The following MYB variants were observed in gnomAD, a reference collection of about 807,000 sequenced individuals.
MYB encodes MYB proto-oncogene, transcription factor, also known as transcriptional activator Myb.
In MYB, 28 loss-of-function variants were observed where a neutral mutation model predicts 92.9. The ratio of observed to expected loss-of-function variants is 0.30; its 90% CI spans 0.22 to 0.41. The LOEUF is 0.41. Among genes scored for constraint, MYB ranks in the 10% least tolerant of loss-of-function variants. The pLI is 1.00. For missense variants in MYB, 679 were observed against 929.3 expected, an observed-to-expected ratio of 0.73 and a Z score of 3.50; for synonymous variants, 295 against 329.1, an observed-to-expected ratio of 0.90 and a Z score of 1.12.
Position 135,198,892 on chromosome 6 carries a change from T to G in MYB, c.1567-16T>G, listed in dbSNP as rs1298613171. 1.9e-6 allele frequency: 3 copies of G among 1,579,860 alleles called. No homozygotes were observed. The highest frequency in any genetic ancestry group is 2.6e-6 in the Non-Finnish European group (3 of 1,156,548). The stretch of plus-strand genomic sequence containing the variant: ...ACCATCTAATCTAAGTATTTTTTCT[T>G]TCTCTCCATATTTAGTTCTTAAACA... On this transcript the variant is annotated splice_polypyrimidine_tract_variant and intron_variant, in intron 10 of 15. Coordinates refer to ENST00000341911, the MANE Select transcript of MYB (RefSeq NM_001130173.2).
Position 135,218,330 on chromosome 6 carries a change from A to G in MYB, c.*350A>G. ...TTTTTCCTGTGATGGGTTTTTTGAA[A>G]TTTGACACATTAAAAGGTACTCCAG... On this transcript the variant is annotated 3_prime_UTR_variant, in exon 16 of 16. Coordinates refer to ENST00000341911, the MANE Select transcript of MYB (RefSeq NM_001130173.2). 1 of 274,530 alleles carries G rather than the reference A, an allele frequency of 3.6e-6. No individual in the cohort carries two copies. The highest frequency in any genetic ancestry group is 5.1e-5 in the Admixed American group (1 of 19,596). 17.0% of individuals were successfully genotyped at this position (274,530 alleles called of 1,614,324 possible).
At position 135,185,920 on chromosome 6, in the gene MYB, A is replaced by G. The variant is rs753940197; in HGVS notation, c.41A>G (p.Glu14Gly). Residue 14 changes from glutamate to glycine, a missense_variant, in exon 2 of 16, where the codon GAG becomes GGG. Physicochemically the swap from Glu to Gly is moderately conservative, Grantham distance 98. Coordinates refer to ENST00000341911, the MANE Select transcript of MYB (RefSeq NM_001130173.2). ...RPRHSIYSSD[E>G]DDEDFEMCDH... ...TTCTGCAGCATATATAGCAGTGACG[A>G]GGATGATGAGGACTTTGAGATGTGT... 1.2e-6 allele frequency: 2 copies of G among 1,614,028 alleles called. No homozygotes were observed. The highest frequency in any genetic ancestry group is 1.7e-6 in the Non-Finnish European group (2 of 1,179,906).
intron 8 of MYB, chr6:135,195,357 C>CATTAAGAAA: frequency 5.6e-6 from 1 of 177,546 alleles, no homozygotes; most frequent in South Asian, 1.1e-4. Flanking sequence ...CCTGAGTCCT[C>CATTAAGAAA]TAGCTTTTTT....
intron 13 of MYB, 137 bp downstream of exon 13, chr6:135,200,552 G>C: frequency 7.8e-7 from 1 of 1,280,502 alleles, no homozygotes; most frequent in South Asian, 1.2e-5. Flanking sequence ...AAGGTGCAGC[G>C]AAAAGGTACT....
intron 14 of MYB, among the ~76,000 whole-genome samples, chr6:135,201,966 T>TA (rs1275653927): frequency 1.3e-5 from 2 of 152,234 alleles, no homozygotes; most frequent in East Asian, 3.8e-4. Context: ...ACTTTTTCAT[T>TA]ATTTGTTTTC....
chr6:135,199,340 C>A (rs1370632217), intron 11 of MYB, among the ~76,000 whole-genome samples: 1 of 152,132 alleles, frequency 6.6e-6, no homozygotes, highest in Non-Finnish European at 1.5e-5. Context: ...TTTGTTCCCT[C>A]CATAAGGCCT....
chr6:135,183,011 T>G (rs1404771095), intron 1 of MYB, among the ~76,000 whole-genome samples: 5 of 146,028 alleles, frequency 3.4e-5, no homozygotes, highest in South Asian at 2.2e-4. Flanking sequence ...CATCTGTTTT[T>G]TTTTTTTTTT....
intron 8 of MYB, chr6:135,195,283 A>C (rs1397283596): frequency 3.1e-6 from 1 of 318,532 alleles, no homozygotes; most frequent in Non-Finnish European, 6.0e-6. Context: ...GCATCAGTGC[A>C]ATCTGTAGCA....
intron 15 of MYB, among the ~76,000 whole-genome samples, 167 bp from the exon 16 acceptor site, chr6:135,217,697 A>C (rs1445461030): frequency 6.6e-6 from 1 of 152,216 alleles, no homozygotes; most frequent in East Asian, 1.9e-4. Context: ...GATCATCCAT[A>C]TCCCTTAAGA....
At chr6:135,198,153 G>T (rs901239716) in intron 10 of MYB, among the ~76,000 whole-genome samples, 1 of 152,188 alleles carries the variant, frequency 6.6e-6, no homozygotes, top group African/African-American at 2.4e-5. Flanking sequence ...TTACAAGTAG[G>T]TTTCTTAGCT....
At chr6:135,187,283 A>T (rs971642717) in intron 2 of MYB, among the ~76,000 whole-genome samples, 4 of 152,212 alleles carry the variant, frequency 2.6e-5, no homozygotes, top group Non-Finnish European at 5.9e-5. Flanking sequence ...ATTTAATTTT[A>T]AAAATGGTCT....
At chr6:135,209,136 T>C (rs1779374983) in intron 15 of MYB, among the ~76,000 whole-genome samples, 1 of 152,254 alleles carries the variant, frequency 6.6e-6, no homozygotes, top group Non-Finnish European at 1.5e-5. Flanking sequence ...TTCCCCATGG[T>C]GCTCTGAATC....
chr6:135,203,005 G>A, intron 14 of MYB: 1 of 702,524 alleles, frequency 1.4e-6, no homozygotes, highest in South Asian at 1.5e-5. Flanking sequence ...GGAGCTTTGT[G>A]TTGTGGTGAT....
intron 15 of MYB, among the ~76,000 whole-genome samples, chr6:135,205,735 C>T (rs1301961175): frequency 6.6e-6 from 1 of 152,102 alleles, no homozygotes; most frequent in Admixed American, 6.5e-5. Context: ...CTGTCTAAAC[C>T]ATATAGTTTA....
At chr6:135,193,762 A>C in intron 6 of MYB, 76 bp from the exon 7 acceptor site, 1 of 963,156 alleles carries the variant, frequency 1.0e-6, no homozygotes, top group South Asian at 1.5e-5. Context: ...CCCAGAACGA[A>C]ACCTCAGGAA....
intron 15 of MYB, among the ~76,000 whole-genome samples, chr6:135,215,826 T>G (rs567787603): frequency 6.6e-6 from 1 of 152,170 alleles, no homozygotes; most frequent in African/African-American, 2.4e-5. Context: ...CAGTGTCCCA[T>G]CCCCTCTTCC....
chr6:135,193,812 G>A (rs774028816), intron 6 of MYB, 26 bp from the exon 7 acceptor site: 6 of 1,532,724 alleles, frequency 3.9e-6, no homozygotes, highest in Non-Finnish European at 4.5e-6. Flanking sequence ...GAATGACGTG[G>A]CCTTTGTTTT....
intron 2 of MYB, among the ~76,000 whole-genome samples, chr6:135,187,449 T>C (rs1583254655): frequency 1.3e-5 from 2 of 152,204 alleles, no homozygotes; most frequent in South Asian, 4.1e-4. Context: ...ACTCAATATA[T>C]GCCAGGCATT....
At chr6:135,216,630 GTGGAACCCACAGATA>G (rs1562403789) in intron 15 of MYB, among the ~76,000 whole-genome samples, 1 of 152,188 alleles carries the variant, frequency 6.6e-6, no homozygotes, top group African/African-American at 2.4e-5. Flanking sequence ...ATCTATGGAT[GTGGAACCCACAGATA>G]TGGGACCCAC....
Sources: gnomAD v4.1 joint callset for allele counts (sites outside exome capture counted in the v4.1 genomes callset) on GRCh38, gnomAD v4.1.1 for gene constraint, MANE v1.5 for transcripts, NCBI Gene and HGNC (gene_info 2026-07-23, HGNC 2026-07-21) for gene names.